Variants in SIRPG observed in about 807,000 individuals in gnomAD.
The protein encoded by SIRPG is signal regulatory protein gamma.
A neutral mutation model predicts 35.7 loss-of-function variants in SIRPG; 38 were observed. The ratio of observed to expected loss-of-function variants is 1.06; its 90% CI spans 0.82 to 1.40. The LOEUF (loss-of-function observed/expected upper bound fraction) is 1.40. Among genes scored for constraint, SIRPG ranks in the 40% most tolerant of loss-of-function variants. The probability of loss-of-function intolerance (pLI) is 0.00; values close to 1 mark genes in which losing one functional copy is unlikely to be tolerated. For missense variants in SIRPG, 519 were observed against 483.0 expected, an observed-to-expected ratio of 1.07 and a Z score of -0.70; for synonymous variants, 215 against 190.4, an observed-to-expected ratio of 1.13 and a Z score of -1.06.
intron 2 of SIRPG, chr20:1,646,129 A>G (rs2091895653): frequency 6.6e-6 from 1 of 152,236 alleles, no homozygotes; most frequent in Admixed American, 6.5e-5. Flanking sequence ...CCCAGTGGGC[A>G]CCTTCTGTGT....
chr20:1,665,479 C>T, the SIRPG span: 1 of 152,314 alleles, frequency 6.6e-6, no homozygotes, highest in East Asian at 1.9e-4. Flanking sequence ...GCTACCTGGG[C>T]CCAACAAGGC....
At chr20:1,668,197 T>TC in the SIRPG span, among the ~76,000 whole-genome samples, 264 of 31,930 alleles carry the variant, frequency 8.3e-3, 8 homozygotes, top group East Asian at 0.38. Flanking sequence ...CTTTTTCTTT[T>TC]CTTTTCTTTC....
At chr20:1,650,273 T>G (rs2091932675) in intron 1 of SIRPG, among the ~76,000 whole-genome samples, 1 of 151,804 alleles carries the variant, frequency 6.6e-6, no homozygotes, top group Non-Finnish European at 1.5e-5. Context: ...ATATGTTGGG[T>G]GCACTCTGAC....
intron 2 of SIRPG, chr20:1,647,896 A>G (rs2091909424): frequency 6.6e-6 from 1 of 152,132 alleles, no homozygotes; most frequent in Non-Finnish European, 1.5e-5. Flanking sequence ...CTGTTTGAGG[A>G]GCTTTTATTT....
At chr20:1,662,482 T>C (rs1353293098), upstream of SIRPG, among the ~76,000 whole-genome samples, 3 of 152,220 alleles carry the variant, frequency 2.0e-5, no homozygotes, top group Non-Finnish European at 1.5e-5. Flanking sequence ...TTGTTCCATA[T>C]AGTAAATATG....
chr20:1,647,149 T>C (rs552644636), intron 2 of SIRPG: 12 of 152,216 alleles, frequency 7.9e-5, no homozygotes, highest in African/African-American at 2.2e-4. Flanking sequence ...AGCCTCAGTG[T>C]CCTCATCTTT....
At chr20:1,653,398 C>T (rs554291702) in intron 1 of SIRPG, among the ~76,000 whole-genome samples, 5 of 152,234 alleles carry the variant, frequency 3.3e-5, no homozygotes, top group East Asian at 3.9e-4. Context: ...ACATGGTGAA[C>T]GTTCAAAAAT....
At chr20:1,639,188 G>A (rs935385393) in intron 2 of SIRPG, among the ~76,000 whole-genome samples, 1 of 152,014 alleles carries the variant, frequency 6.6e-6, no homozygotes, top group East Asian at 1.9e-4. Context: ...TCCTTAAGGA[G>A]TCACCACACT....
chr20:1,668,560 G>T, the SIRPG span, among the ~76,000 whole-genome samples: 1 of 152,122 alleles, frequency 6.6e-6, no homozygotes, highest in South Asian at 2.1e-4. Context: ...GGGATTACAG[G>T]CGTGAGCCAC....
intron 1 of SIRPG, 148 bp downstream of exon 1, chr20:1,657,494 C>G: frequency 1.3e-6 from 1 of 774,958 alleles, no homozygotes; most frequent in Non-Finnish European, 2.2e-6. Context: ...AGAAAGTGCT[C>G]AGCTCCCTGA....
At chr20:1,660,647 A>G (rs1253010402), upstream of SIRPG, among the ~76,000 whole-genome samples, 1 of 152,196 alleles carries the variant, frequency 6.6e-6, no homozygotes, top group African/African-American at 2.4e-5. Context: ...GAGAATTGAA[A>G]TTTAAATTTA....
At chr20:1,654,016 G>A (rs2091959343) in intron 1 of SIRPG, among the ~76,000 whole-genome samples, 1 of 152,118 alleles carries the variant, frequency 6.6e-6, no homozygotes, top group South Asian at 2.1e-4. Context: ...GAAGCGAGCA[G>A]ATCACGAGGT....
the SIRPG span, chr20:1,665,148 G>C: frequency 2.0e-5 from 3 of 152,888 alleles, no homozygotes; most frequent in African/African-American, 7.2e-5. Context: ...GACTCCCAAG[G>C]GTGCAGAGGG....
At chr20:1,685,227 G>A in the SIRPG span, among the ~76,000 whole-genome samples, 2 of 152,160 alleles carry the variant, frequency 1.3e-5, no homozygotes, top group Non-Finnish European at 2.9e-5. Context: ...TGGTAAAGTC[G>A]AAAGAACCAA....
At chr20:1,669,399 G>T in the SIRPG span, among the ~76,000 whole-genome samples, 1 of 152,198 alleles carries the variant, frequency 6.6e-6, no homozygotes, top group Admixed American at 6.5e-5. Context: ...GGGATGTTGC[G>T]GTTATTATTG....
upstream of SIRPG, among the ~76,000 whole-genome samples, chr20:1,660,524 G>A (rs2122597241): frequency 6.6e-6 from 1 of 152,306 alleles, no homozygotes; most frequent in Middle Eastern, 3.4e-3. Context: ...TATAGTGTCA[G>A]GAAGATGGCA....
At chr20:1,673,986 G>T in the SIRPG span, among the ~76,000 whole-genome samples, 1 of 152,120 alleles carries the variant, frequency 6.6e-6, no homozygotes, top group East Asian at 1.9e-4. Context: ...CCATGGGAAG[G>T]GTCCTGGCCA....
upstream of SIRPG, among the ~76,000 whole-genome samples, chr20:1,661,838 C>T (rs743080): frequency 0.24 from 37,056 of 152,094 alleles, 5,282 homozygotes; most frequent in East Asian, 0.62. Context: ...AGGTCCACTG[C>T]CCCAGAACCT....
the SIRPG span, among the ~76,000 whole-genome samples, chr20:1,667,609 A>G: frequency 6.6e-6 from 1 of 152,332 alleles, no homozygotes; most frequent in South Asian, 2.1e-4. Flanking sequence ...GACTGGCACT[A>G]GGGAGGCTCC....
Sources: gnomAD v4.1 joint callset for allele counts (sites outside exome capture counted in the v4.1 genomes callset) on GRCh38, gnomAD v4.1.1 for gene constraint, MANE v1.5 for transcripts, NCBI Gene and HGNC (gene_info 2026-07-23, HGNC 2026-07-21) for gene names.